The following ALK variants were observed in gnomAD, a reference collection of about 807,000 sequenced individuals.
The protein encoded by ALK is ALK tyrosine kinase receptor.
Under a neutral mutation model 163.1 loss-of-function variants are expected in ALK, and 74 were observed. That is an observed-to-expected ratio of 0.45 (90% CI 0.38 to 0.55). The LOEUF is 0.55. Among genes scored for constraint, ALK ranks in the 20% least tolerant of loss-of-function variants. The pLI, the probability that ALK is intolerant of heterozygous loss-of-function variation, is 0.00. For synonymous variants in ALK, 960 were observed against 843.2 expected, an observed-to-expected ratio of 1.14 and a Z score of -2.40; for missense variants, 2,063 against 2,105.3, an observed-to-expected ratio of 0.98 and a Z score of 0.39.
chr2:29,534,694 T>C (rs991861941), intron 3 of ALK, among the ~76,000 whole-genome samples: 5 of 152,212 alleles, frequency 3.3e-5, no homozygotes, highest in African/African-American at 1.2e-4. Context: ...CATGTGCACA[T>C]GCATGAGAAG....
intron 4 of ALK, among the ~76,000 whole-genome samples, chr2:29,419,467 G>A (rs1453640253): frequency 5.3e-5 from 8 of 151,436 alleles, no homozygotes; most frequent in Non-Finnish European, 1.0e-4. Flanking sequence ...AGAGATGGGA[G>A]GTGAGGTCCT....
intron 1 of ALK, among the ~76,000 whole-genome samples, chr2:29,889,962 C>T (rs1342235740): frequency 6.6e-6 from 1 of 152,126 alleles, no homozygotes; most frequent in African/African-American, 2.4e-5. Context: ...TTTACAAAGA[C>T]ATTGTAGAGA....
intron 3 of ALK, among the ~76,000 whole-genome samples, chr2:29,593,509 A>G (rs150356958): frequency 2.0e-4 from 30 of 152,350 alleles, no homozygotes; most frequent in Middle Eastern, 3.4e-3. Context: ...ACTTGTTTCC[A>G]GAAAGCTCCT....
rs144766734 is a variant in ALK, at chr2:29,850,946, C to T, written c.667+69047G>A. ...CCTGGAGATGCCTGGCACCCTTCAC[C>T]GGTGCCGGTGTGTGCGCCTTTGTCT... On this transcript the variant is annotated intron_variant, in intron 1 of 28. Coordinates refer to ENST00000389048, the MANE Select transcript of ALK (RefSeq NM_004304.5). Among the ~76,000 whole-genome samples, 51 of 152,358 alleles carry T rather than the reference C, an allele frequency of 3.3e-4. No homozygotes were observed. The East Asian group carries it at 8.5e-3, about 25-fold the overall frequency.
chr2:29,695,164 G>A (rs58502066), intron 2 of ALK, 150 bp from the exon 3 acceptor site: 3 of 820,188 alleles, frequency 3.7e-6, no homozygotes, highest in African/African-American at 3.4e-5. Flanking sequence ...ACAGGGCTCT[G>A]TATTGGTGAA....
intron 1 of ALK, among the ~76,000 whole-genome samples, chr2:29,729,982 A>C (rs1321850765): frequency 1.3e-5 from 2 of 152,214 alleles, no homozygotes; most frequent in Admixed American, 1.3e-4. Flanking sequence ...GGAGAAGGGA[A>C]GGAGAGAGTT....
At chr2:29,844,045 T>G (rs1397907154) in intron 1 of ALK, among the ~76,000 whole-genome samples, 1 of 152,090 alleles carries the variant, frequency 6.6e-6, no homozygotes, top group South Asian at 2.1e-4. Flanking sequence ...TAATCTGACA[T>G]ATAGGACTTG....
At chr2:29,547,474 G>A (rs1448256288) in intron 3 of ALK, among the ~76,000 whole-genome samples, 1 of 152,310 alleles carries the variant, frequency 6.6e-6, no homozygotes, top group East Asian at 1.9e-4. Flanking sequence ...GCGTGCGCCT[G>A]TAGTCCTAGG....
chr2:29,264,133 C>A (rs1268561723), intron 11 of ALK, among the ~76,000 whole-genome samples: 1 of 152,222 alleles, frequency 6.6e-6, no homozygotes, highest in Admixed American at 6.5e-5. Flanking sequence ...GGTCACTCCC[C>A]CGGCCCAGTC....
At chr2:29,341,943 G>A (rs535104867) in intron 5 of ALK, among the ~76,000 whole-genome samples, 1 of 152,278 alleles carries the variant, frequency 6.6e-6, no homozygotes, top group East Asian at 1.9e-4. Flanking sequence ...AGAACCACAA[G>A]ATTGGGAGAA....
intron 1 of ALK, among the ~76,000 whole-genome samples, chr2:29,810,939 A>C (rs1203804850): frequency 6.6e-6 from 1 of 152,096 alleles, no homozygotes; most frequent in Admixed American, 6.5e-5. Context: ...CACAGTGAAA[A>C]GGCTGCTGTC....
At chr2:29,544,829 C>G (rs1050494150) in intron 3 of ALK, among the ~76,000 whole-genome samples, 2 of 151,996 alleles carry the variant, frequency 1.3e-5, no homozygotes, top group Non-Finnish European at 2.9e-5. Context: ...TTCAGAATGT[C>G]GTAACTAGAC....
chr2:29,246,085 T>C lies in ALK; in HGVS notation c.2204+5020A>G, dbSNP rs1224518705. On this transcript the variant is annotated intron_variant, in intron 12 of 28. Transcript: ENST00000389048. This position sits in a 1 kb window ranked among gnomAD's most constrained non-coding sequence, Gnocchi z 4.3. ...GTGGGACGACTGCCTTCGGGAGCTA[T>C]GGGCCATGCTTGACAAATGGTGTTA... Among the ~76,000 whole-genome samples, 1 of 152,146 alleles carries C rather than the reference T, an allele frequency of 6.6e-6. No homozygotes were observed. The highest frequency in any genetic ancestry group is 2.4e-5 in the African/African-American group (1 of 41,434).
intron 3 of ALK, among the ~76,000 whole-genome samples, chr2:29,663,416 C>A (rs1677411276): frequency 6.6e-6 from 1 of 152,138 alleles, no homozygotes; most frequent in Non-Finnish European, 1.5e-5. Context: ...AGAATGATTT[C>A]TCTCCCTCCC....
At chr2:29,720,932 AGACC>A (rs1261899461) in intron 1 of ALK, among the ~76,000 whole-genome samples, 4 of 152,206 alleles carry the variant, frequency 2.6e-5, no homozygotes, top group African/African-American at 9.6e-5. Flanking sequence ...GTATGAATGC[AGACC>A]AACTGGCTCA....
chr2:29,831,229 A>G (rs143017784), intron 1 of ALK, among the ~76,000 whole-genome samples: 2,561 of 49,532 alleles, frequency 0.052, 581 homozygotes, highest in Non-Finnish European at 0.071. Flanking sequence ...AAGAGGAAGA[A>G]GAAGAGGAAG....
At chr2:29,719,554 G>A (rs1416592058) in intron 1 of ALK, among the ~76,000 whole-genome samples, 8 of 152,154 alleles carry the variant, frequency 5.3e-5, no homozygotes, top group South Asian at 2.1e-4. Flanking sequence ...CATATGGACC[G>A]GTATGATGCT....
At chr2:29,560,978 A>G (rs901754455) in intron 3 of ALK, among the ~76,000 whole-genome samples, 3 of 152,144 alleles carry the variant, frequency 2.0e-5, no homozygotes, top group African/African-American at 7.2e-5. Context: ...TATGTAATAA[A>G]TTTAAATGTG....
chr2:29,721,494 C>G (rs1374255031), intron 1 of ALK, among the ~76,000 whole-genome samples: 1 of 152,208 alleles, frequency 6.6e-6, no homozygotes, highest in Non-Finnish European at 1.5e-5. Context: ...TCCAATACAA[C>G]TAGTTCAAAC....
Sources: gnomAD v4.1 joint callset for allele counts (sites outside exome capture counted in the v4.1 genomes callset) on GRCh38, gnomAD v4.1.1 for gene constraint, Gnocchi (gnomAD v3.1) non-coding constraint, MANE v1.5 for transcripts, NCBI Gene and HGNC (gene_info 2026-07-23, HGNC 2026-07-21) for gene names.